ADAMTS20: variants seen among roughly 807,000 people sequenced by gnomAD.
The protein encoded by ADAMTS20 is ADAM metallopeptidase with thrombospondin type 1 motif 20.
A neutral mutation model predicts 260.1 loss-of-function variants in ADAMTS20; 225 were observed. The ratio of observed to expected loss-of-function variants is 0.87; its 90% confidence interval spans 0.78 to 0.97. The LOEUF is 0.97. ADAMTS20 is among the 50% of genes least tolerant of loss of function. ADAMTS20 has a pLI of 0.00. For missense variants in ADAMTS20, 2,400 were observed against 2,337.7 expected (o/e 1.03, Z -0.55); for synonymous variants, 802 against 769.5 (o/e 1.04, Z -0.70).
intron 28 of ADAMTS20, among the ~76,000 whole-genome samples, chr12:43,408,523 T>G (rs983846354): frequency 2.6e-5 from 4 of 152,114 alleles, no homozygotes; most frequent in Non-Finnish European, 5.9e-5. Flanking sequence ...GAACTATGCT[T>G]TTAAGTAGGG....
At chr12:43,367,301 G>T (rs996935985) in intron 37 of ADAMTS20, among the ~76,000 whole-genome samples, 12 of 151,892 alleles carry the variant, frequency 7.9e-5, no homozygotes, top group African/African-American at 2.9e-4. Context: ...TCAAAAAATA[G>T]TAGCAAACCA....
At chr12:43,530,596 T>C (rs1404157385) in intron 3 of ADAMTS20, among the ~76,000 whole-genome samples, 1 of 152,188 alleles carries the variant, frequency 6.6e-6, no homozygotes, top group Non-Finnish European at 1.5e-5. Flanking sequence ...TTTGGAACTA[T>C]AGTTTACGGA....
At chr12:43,379,058 G>A (rs995570015) in intron 31 of ADAMTS20, among the ~76,000 whole-genome samples, 4 of 152,120 alleles carry the variant, frequency 2.6e-5, no homozygotes, top group African/African-American at 9.7e-5. Flanking sequence ...CCAGAATTCC[G>A]GCAGCCACTG....
intron 14 of ADAMTS20, among the ~76,000 whole-genome samples, chr12:43,450,747 C>T (rs11182082): frequency 0.45 from 69,059 of 151,834 alleles, 16,669 homozygotes; most frequent in East Asian, 0.9. Context: ...TATTTTCAAA[C>T]TGACAGATAA....
rs758048429 is a variant in ADAMTS20 at position 43,377,467 on chromosome 12, A to C, written c.4893T>G (p.Pro1631=). The change falls in exon 32 of 39, where the codon CCT becomes CCG. Residue 1631 remains proline, a synonymous_variant. Coordinates refer to ENST00000389420, the MANE Select transcript of ADAMTS20 (RefSeq NM_025003.5). ...TKKHKLHRLR[P]IVYQECPVVP... ...CCACAGGGCATTCTTGATAAACTAT[A>C]GGCCGAAGTCGATGGAGCTTATGTT... 1.2e-6 allele frequency: 2 copies of C among 1,613,792 alleles called. No homozygotes were observed. Among genetic ancestry groups the C allele is most frequent in the Non-Finnish European group, 1.7e-6 (2 of 1,179,774 alleles).
intron 3 of ADAMTS20, among the ~76,000 whole-genome samples, chr12:43,512,395 G>A (rs1178365711): frequency 1.3e-5 from 2 of 150,534 alleles, no homozygotes; most frequent in Non-Finnish European, 3.0e-5. Context: ...GGAACAGGAA[G>A]GTTAAACTGC....
rs145186461 is a variant in ADAMTS20 at position 43,464,185 on chromosome 12, T to C, written c.1509+406A>G. 7.3e-3 allele frequency among the ~76,000 whole-genome samples: 1,111 copies of C among 152,226 alleles called. 18 individuals carry two copies. The highest frequency in any genetic ancestry group is 0.026 in the African/African-American group (1,087 of 41,570). ...TTTAATTCTTTTGAATTCAAATATA[T>C]GTAAAGGAAAATGTACTCTATTAGT... On this transcript the variant is annotated intron_variant, in intron 10 of 38. Transcript: ENST00000389420.
chr12:43,424,294 C>CA (rs1056866373), intron 28 of ADAMTS20, among the ~76,000 whole-genome samples: 7 of 151,552 alleles, frequency 4.6e-5, no homozygotes, highest in Non-Finnish European at 1.0e-4. Flanking sequence ...AATTACTCCT[C>CA]AAAAAAAAGA....
Position 43,452,324 on chromosome 12 carries a change from T to A in ADAMTS20, c.2029A>T (p.Thr677Ser), listed in dbSNP as rs774686959. ...TCATGAGTTTCAGTTCCACAAGGAG[T>A]ACCATCTTCAACCATATCCTTCAAT... ...YLLKDMVEDG[T>S]PCGTETHDIC... Residue 677 changes from threonine (T) to serine (S), a missense_variant, in exon 14 of 39, where the codon ACT (threonine) becomes TCT (serine). Transcript: ENST00000389420. 1 of 1,613,326 alleles carries A rather than the reference T, an allele frequency of 6.2e-7. No individual in the cohort carries two copies. Among genetic ancestry groups the A allele is most frequent in the Non-Finnish European group, 8.5e-7 (1 of 1,179,538 alleles).
At chr12:43,360,116 A>C (rs1441508542) in intron 37 of ADAMTS20, among the ~76,000 whole-genome samples, 6 of 152,202 alleles carry the variant, frequency 3.9e-5, no homozygotes, top group Non-Finnish European at 7.4e-5. Context: ...ACCGTAAGGA[A>C]ACAAACAACT....
intron 37 of ADAMTS20, among the ~76,000 whole-genome samples, chr12:43,366,869 C>T (rs368035397): frequency 7.2e-5 from 11 of 151,894 alleles, no homozygotes; most frequent in Middle Eastern, 6.8e-3. Flanking sequence ...AATAATCTAC[C>T]CTTCTACCTT....
At chr12:43,486,177 A>G (rs930573847) in intron 7 of ADAMTS20, among the ~76,000 whole-genome samples, 8 of 152,206 alleles carry the variant, frequency 5.3e-5, no homozygotes, top group African/African-American at 1.4e-4. Context: ...ACTTCAAACT[A>G]TACTACAAGG....
Position 43,421,292 on chromosome 12 carries a change from A to AAAAAAAC in ADAMTS20, c.4284+4215_4284+4221dup, listed in dbSNP as rs1941232299. On this transcript the variant is annotated intron_variant, in intron 28 of 38. Transcript: ENST00000389420. The stretch of plus-strand genomic sequence containing the variant: ...GCAAGCTTTCATTTACAAAAAAAAA[A>AAAAAAAC]AAAAAACTTTCTCTTTTTTTGTGTG... Among the ~76,000 whole-genome samples, 3 of 151,566 alleles carry AAAAAAAC rather than the reference A, an allele frequency of 2.0e-5. No homozygotes were observed. In the South Asian group the frequency reaches 6.2e-4, roughly 31 times the overall value.
chr12:43,411,576 C>G (rs1392243579), intron 28 of ADAMTS20, among the ~76,000 whole-genome samples: 1 of 152,088 alleles, frequency 6.6e-6, no homozygotes, highest in African/African-American at 2.4e-5. Context: ...CTATGTTGAC[C>G]AGGCTGGTCT....
chr12:43,548,966 C>G (rs1257599815), intron 2 of ADAMTS20, among the ~76,000 whole-genome samples: 1 of 151,864 alleles, frequency 6.6e-6, no homozygotes, highest in Non-Finnish European at 1.5e-5. Context: ...AAGTATGACT[C>G]CTATAGGTGA....
At chr12:43,358,301 A>AT (rs1194880807) in intron 37 of ADAMTS20, among the ~76,000 whole-genome samples, 41 of 152,308 alleles carry the variant, frequency 2.7e-4, no homozygotes, top group African/African-American at 9.4e-4. Context: ...CGATTGTTCC[A>AT]TTTCTCTGTA....
intron 4 of ADAMTS20, among the ~76,000 whole-genome samples, chr12:43,494,152 C>T (rs1239496529): frequency 2.0e-5 from 3 of 152,192 alleles, no homozygotes; most frequent in Non-Finnish European, 2.9e-5. Context: ...CTTCTAAACC[C>T]TAGATCACCT....
intron 5 of ADAMTS20, among the ~76,000 whole-genome samples, chr12:43,492,870 T>G (rs1022472677): frequency 1.3e-5 from 2 of 152,142 alleles, no homozygotes; most frequent in Non-Finnish European, 2.9e-5. Context: ...AAAAAAACTT[T>G]TAAAAACGAC....
chr12:43,397,968 G>A lies in ADAMTS20; in HGVS notation c.4452+1098C>T, dbSNP rs137937233. On this transcript the variant is annotated intron_variant, in intron 29 of 38. Transcript: ENST00000389420. ...TGTGCCCTGCATTGACATGCTGAGC[G>A]CAAAGAGAGAATGATGATGACTTTT... Among the ~76,000 whole-genome samples the A allele has an allele frequency of 7.4e-3, 1,130 of 152,244 alleles. 16 individuals are homozygous for A. Among genetic ancestry groups the A allele is most frequent in the African/African-American group, 0.027 (1,107 of 41,540 alleles).
Sources: allele counts gnomAD v4.1 joint callset (sites outside exome capture counted in the v4.1 genomes callset), GRCh38; gene constraint gnomAD v4.1.1; transcripts MANE v1.5; gene names NCBI Gene and HGNC (gene_info 2026-07-23, HGNC 2026-07-21).